CNTN5: variants seen among roughly 807,000 people sequenced by gnomAD.
The protein encoded by CNTN5 is contactin 5.
Under a neutral mutation model 129.1 loss-of-function variants are expected in CNTN5, and 77 were observed. The ratio of observed to expected loss-of-function variants is 0.60; its 90% CI spans 0.50 to 0.72. CNTN5 has a LOEUF of 0.72. CNTN5 is among the 30% of genes least tolerant of loss of function. CNTN5 has a pLI of 0.00. For missense variants in CNTN5, 1,478 were observed against 1,328.8 expected, an observed-to-expected ratio of 1.11 and a Z score of -1.75; for synonymous variants, 509 against 465.6, an observed-to-expected ratio of 1.09 and a Z score of -1.20.
chr11:100,212,106 G>T lies in CNTN5; in HGVS notation c.1885-12586G>T, dbSNP rs995381564. ...TTACTCTGTCCTACTGTAGTCCTGG[G>T]CAGATTTACATATGAATGGGAATAT... On this transcript the variant is annotated intron_variant, in intron 15 of 24. Coordinates refer to ENST00000524871, the MANE Select transcript of CNTN5 (RefSeq NM_014361.4). 3.3e-5 allele frequency among the ~76,000 whole-genome samples: 5 copies of T among 151,940 alleles called. No homozygotes were observed. In the South Asian group the frequency reaches 1.0e-3, roughly 32 times the overall value.
At chr11:99,702,697 T>G (rs1260710152) in intron 3 of CNTN5, among the ~76,000 whole-genome samples, 2 of 150,978 alleles carry the variant, frequency 1.3e-5, no homozygotes, top group Non-Finnish European at 3.0e-5. Flanking sequence ...CTTACATATA[T>G]GAAAGCCCAT....
intron 3 of CNTN5, among the ~76,000 whole-genome samples, chr11:99,754,931 C>A (rs1347579043): frequency 1.3e-5 from 2 of 152,150 alleles, no homozygotes; most frequent in African/African-American, 2.4e-5. Flanking sequence ...TCCCCTCTGC[C>A]CCCAAGCCCT....
intron 20 of CNTN5, among the ~76,000 whole-genome samples, chr11:100,307,731 GAAATTTAGATACACAGAATAA>G (rs1951385273): frequency 6.6e-6 from 1 of 151,334 alleles, no homozygotes; most frequent in Non-Finnish European, 1.5e-5. Context: ...AGTATCTAAT[GAAATTTAGATACACAGAATAA>G]AAATTTAGAT....
intron 3 of CNTN5, among the ~76,000 whole-genome samples, chr11:99,801,975 G>A (rs969859128): frequency 1.3e-5 from 2 of 152,168 alleles, no homozygotes; most frequent in African/African-American, 4.8e-5. Flanking sequence ...TTCTGGAGCT[G>A]ATTCCTTCTC....
At chr11:99,898,999 T>C (rs1811380146) in intron 6 of CNTN5, among the ~76,000 whole-genome samples, 2 of 152,014 alleles carry the variant, frequency 1.3e-5, no homozygotes, top group African/African-American at 2.4e-5. Flanking sequence ...AACTAAGCTG[T>C]TGAGATCTTA....
intron 3 of CNTN5, among the ~76,000 whole-genome samples, chr11:99,739,592 G>C (rs1191074196): frequency 6.6e-6 from 1 of 152,066 alleles, no homozygotes; most frequent in African/African-American, 2.4e-5. Context: ...CTTATTACTA[G>C]AGAAGATGGA....
At chr11:100,028,458 T>C (rs1208080064) in intron 9 of CNTN5, among the ~76,000 whole-genome samples, 1 of 152,218 alleles carries the variant, frequency 6.6e-6, no homozygotes, top group Non-Finnish European at 1.5e-5. Context: ...ACTCAATACA[T>C]GAAGACCTGT....
intron 3 of CNTN5, among the ~76,000 whole-genome samples, chr11:99,574,095 C>G (rs566421489): frequency 6.6e-6 from 1 of 152,062 alleles, no homozygotes; most frequent in Non-Finnish European, 1.5e-5. Context: ...GTGATGTTTC[C>G]CTCCCTGTGT....
intron 3 of CNTN5, among the ~76,000 whole-genome samples, chr11:99,744,912 A>G (rs1944005665): frequency 6.6e-6 from 1 of 152,132 alleles, no homozygotes; most frequent in South Asian, 2.1e-4. Flanking sequence ...CTAAATTCCA[A>G]AACTGTAAGG....
At chr11:99,954,562 T>C (rs1385492635) in intron 7 of CNTN5, among the ~76,000 whole-genome samples, 1 of 152,194 alleles carries the variant, frequency 6.6e-6, no homozygotes. Context: ...CCATACTATT[T>C]CCCTGAAATA....
intron 1 of CNTN5, among the ~76,000 whole-genome samples, chr11:99,030,083 G>C (rs905152364): frequency 7.2e-5 from 11 of 152,076 alleles, no homozygotes; most frequent in Admixed American, 3.3e-4. Context: ...AAAAGAGCAT[G>C]GGCTTCTTAG....
At chr11:99,530,180 T>A (rs900210814) in intron 2 of CNTN5, among the ~76,000 whole-genome samples, 5 of 152,216 alleles carry the variant, frequency 3.3e-5, no homozygotes, top group African/African-American at 1.2e-4. Flanking sequence ...CTCAGTATGA[T>A]CTTCAGATAC....
intron 1 of CNTN5, among the ~76,000 whole-genome samples, chr11:99,096,575 G>A (rs1166878422): frequency 4.0e-5 from 6 of 151,758 alleles, no homozygotes; most frequent in Non-Finnish European, 7.4e-5. Flanking sequence ...CTTTAAGATA[G>A]GAAAAACAAG....
chr11:100,242,591 G>A (rs1693693666), intron 16 of CNTN5, among the ~76,000 whole-genome samples: 1 of 152,160 alleles, frequency 6.6e-6, no homozygotes, highest in Non-Finnish European at 1.5e-5. Flanking sequence ...GAGAGTGATG[G>A]CGGTGCTGCT....
intron 1 of CNTN5, among the ~76,000 whole-genome samples, chr11:99,135,064 T>C (rs1859150289): frequency 6.6e-6 from 1 of 152,334 alleles, no homozygotes; most frequent in East Asian, 1.9e-4. Flanking sequence ...CCTTGCAATG[T>C]TCTGCGAATT....
intron 7 of CNTN5, among the ~76,000 whole-genome samples, chr11:99,953,869 CT>C (rs757196867): frequency 6.6e-6 from 1 of 152,096 alleles, no homozygotes. Context: ...AACATTGATC[CT>C]TTTGTTGCAA....
rs753104268 is a variant in CNTN5, at chr11:99,997,389, A to G, written c.878-4645A>G. On this transcript the variant is annotated intron_variant, in intron 8 of 24. Coordinates refer to ENST00000524871, the MANE Select transcript of CNTN5 (RefSeq NM_014361.4). ...ATACTACAAACACCTCTATGCAAAT[A>G]AACTAGAAAATCTAGAAGAAATGGA... Among the ~76,000 whole-genome samples, 3 of 152,210 alleles carry G rather than the reference A, an allele frequency of 2.0e-5. No homozygotes were observed. In the South Asian group the frequency reaches 6.2e-4, roughly 31 times the overall value.
intron 1 of CNTN5, among the ~76,000 whole-genome samples, chr11:99,079,492 A>G (rs1044058589): frequency 2.6e-5 from 4 of 152,216 alleles, no homozygotes; most frequent in Admixed American, 1.3e-4. Flanking sequence ...AAGTGAATCT[A>G]TGGGGCCAAA....
At chr11:99,380,577 C>T (rs1020301659) in intron 2 of CNTN5, among the ~76,000 whole-genome samples, 2 of 151,864 alleles carry the variant, frequency 1.3e-5, no homozygotes, top group African/African-American at 4.8e-5. Flanking sequence ...GGAGAGCAGC[C>T]TGGCCCACAT....
Sources: gnomAD v4.1 joint callset for allele counts (sites outside exome capture counted in the v4.1 genomes callset) on GRCh38, gnomAD v4.1.1 for gene constraint, MANE v1.5 for transcripts, NCBI Gene and HGNC (gene_info 2026-07-23, HGNC 2026-07-21) for gene names.